EIF2AK2: variants seen among roughly 807,000 people sequenced by gnomAD.
The protein encoded by EIF2AK2 is interferon-induced, double-stranded RNA-activated protein kinase.
A neutral mutation model predicts 70.5 loss-of-function variants in EIF2AK2; 40 were observed. That is an observed-to-expected ratio of 0.57 (90% CI 0.44 to 0.74). The LOEUF is 0.74. Among genes scored for constraint, EIF2AK2 ranks in the 30% least tolerant of loss-of-function variants. The pLI is 0.00. For missense variants in EIF2AK2, 555 were observed against 644.3 expected, an observed-to-expected ratio of 0.86 and a Z score of 1.50; for synonymous variants, 198 against 220.9, an observed-to-expected ratio of 0.90 and a Z score of 0.92.
Position 37,100,401 on chromosome 2 carries a change from G to C in EIF2AK2, c.*6872C>G, listed in dbSNP as rs1016053418. ...TAAACCACCAAGTTTGTGGTAATTTGTTAGTTATAGCAGCCATAAGAAATT... is the reference window on the plus strand; with the variant it reads ...TAAACCACCAAGTTTGTGGTAATTTCTTAGTTATAGCAGCCATAAGAAATT... On this transcript the variant is annotated 3_prime_UTR_variant, in exon 17 of 17. Coordinates refer to ENST00000233057, the MANE Select transcript of EIF2AK2 (RefSeq NM_001135651.3). 1 of 152,170 alleles carries C rather than the reference G, an allele frequency of 6.6e-6. No homozygotes were observed. The highest frequency in any genetic ancestry group is 2.4e-5 in the African/African-American group (1 of 41,440). 9.4% of individuals were successfully genotyped at this position (152,170 alleles called of 1,614,324 possible). A position where few individuals can be genotyped will look rare whatever the true frequency, so the allele number is the denominator to read the frequency against.
intron 11 of EIF2AK2, 152 bp from the exon 12 acceptor site, chr2:37,122,816 A>G: frequency 1.0e-6 from 1 of 973,382 alleles, no homozygotes; most frequent in Non-Finnish European, 1.5e-6. Flanking sequence ...CAGGACATTC[A>G]AAAGGAAAAA....
At chr2:37,115,452 C>T (rs1295252943) in intron 13 of EIF2AK2, among the ~76,000 whole-genome samples, 1 of 152,000 alleles carries the variant, frequency 6.6e-6, no homozygotes. Context: ...AAGGTGGATT[C>T]ACTCTGCATG....
chr2:37,147,468 C>T (rs1210295488), intron 3 of EIF2AK2, among the ~76,000 whole-genome samples: 1 of 117,044 alleles, frequency 8.5e-6, no homozygotes, highest in African/African-American at 3.3e-5. Flanking sequence ...CCCCCTCCCC[C>T]CACCCCACAA....
At chr2:37,137,760 G>A (rs1307378201) in intron 8 of EIF2AK2, among the ~76,000 whole-genome samples, 1 of 152,120 alleles carries the variant, frequency 6.6e-6, no homozygotes, top group Non-Finnish European at 1.5e-5. Flanking sequence ...GGATGAGTGA[G>A]GAAAGACAGA....
Position 37,120,099 on chromosome 2 carries a change from C to T in EIF2AK2, c.1108G>A (p.Asp370Asn), listed in dbSNP as rs964481529. The T allele has an allele frequency of 2.7e-6, 4 of 1,484,498 alleles. No individual in the cohort carries two copies. The Admixed American group carries it at 8.0e-5, about 30-fold the overall frequency. 92.0% of individuals were successfully genotyped at this position (1,484,498 alleles called of 1,614,324 possible). The change falls in exon 13 of 17, where the codon GAT becomes AAT. Residue 370 changes from aspartate (D) to asparagine (N), a missense_variant. Asp to Asn is a conservative substitution (Grantham distance 23, BLOSUM62 1). Around this residue, in one of 3 missense-constraint regions of EIF2AK2, gnomAD observed 299 missense variants for 375.4 expected, o/e 0.80. Transcript: ENST00000233057. Reference protein sequence around the residue: ...KCLFIQMEFCDKGTLEQWIEK... With the variant: ...KCLFIQMEFCNKGTLEQWIEK... ...ATCCATTGTTCCAAGGTCCCTTTAT[C>T]ACAGAATTCCATTTGGATGAAAAGG...
At position 37,107,516 on chromosome 2, in the gene EIF2AK2, G is replaced by A. The variant is rs750224048; in HGVS notation, c.1491C>T (p.Asp497=). 6 of 1,611,076 alleles carry A rather than the reference G, an allele frequency of 3.7e-6. No homozygotes were observed. The African/African-American group carries it at 8.0e-5, about 22-fold the overall frequency. The change falls in exon 16 of 17, where the codon GAC becomes GAT. Residue 497 remains aspartate, a synonymous_variant. Coordinates refer to ENST00000233057, the MANE Select transcript of EIF2AK2 (RefSeq NM_001135651.3). ...TATCTGAGATGATGCCATCCCGTAGGTCTGTGAAAAACTGGAAAAAAAAAT... is the reference window on the plus strand; with the variant it reads ...TATCTGAGATGATGCCATCCCGTAGATCTGTGAAAAACTGGAAAAAAAAAT... ...TAFETSKFFT[D]LRDGIISDIF...
At chr2:37,153,648 CAT>C (rs1675822519) in intron 1 of EIF2AK2, among the ~76,000 whole-genome samples, 1 of 152,122 alleles carries the variant, frequency 6.6e-6, no homozygotes, top group Admixed American at 6.5e-5. Context: ...TATGTTGTAG[CAT>C]ATGTCAGAAT....
At chr2:37,124,105 C>A (rs2148681432) in intron 11 of EIF2AK2, among the ~76,000 whole-genome samples, 1 of 151,774 alleles carries the variant, frequency 6.6e-6, no homozygotes, top group Middle Eastern at 3.4e-3. Context: ...GTAGCTAGGA[C>A]CACAGGCACA....
chr2:37,101,233 G>A lies in EIF2AK2; in HGVS notation c.*6040C>T, dbSNP rs1426158388. The A allele has an allele frequency of 6.6e-6, 1 of 152,098 alleles. No homozygotes were observed. The highest frequency in any genetic ancestry group is 1.5e-5 in the Non-Finnish European group (1 of 68,032). The allele number at this position is 152,098 out of a possible 1,614,324, so 9.4% of individuals were successfully genotyped here. A position where few individuals can be genotyped will look rare whatever the true frequency, so the allele number is the denominator to read the frequency against. ...ATTTGTCAACTGTGGAGGTTGCTAG[G>A]GCACTAACTCACTCTAAAATTTGAT... On this transcript the variant is annotated 3_prime_UTR_variant, in exon 17 of 17. Coordinates refer to ENST00000233057, the MANE Select transcript of EIF2AK2 (RefSeq NM_001135651.3).
At chr2:37,155,461 G>A (rs996495294) in intron 1 of EIF2AK2, among the ~76,000 whole-genome samples, 1 of 152,076 alleles carries the variant, frequency 6.6e-6, no homozygotes, top group Non-Finnish European at 1.5e-5. Flanking sequence ...CATTCTCTCT[G>A]TACCCACCAA....
intron 10 of EIF2AK2, among the ~76,000 whole-genome samples, chr2:37,133,871 A>T (rs1048943491): frequency 6.6e-6 from 1 of 152,226 alleles, no homozygotes; most frequent in South Asian, 2.1e-4. Context: ...ACCTTCCAGG[A>T]CTTTATTCCT....
chr2:37,121,054 G>A (rs1325138584), intron 12 of EIF2AK2, among the ~76,000 whole-genome samples: 4 of 149,040 alleles, frequency 2.7e-5, no homozygotes, highest in Non-Finnish European at 6.0e-5. Context: ...ACGAGGTCAG[G>A]AGATCAAGAC....
intron 9 of EIF2AK2, among the ~76,000 whole-genome samples, 180 bp from the exon 10 acceptor site, chr2:37,135,726 T>G (rs1187940177): frequency 6.6e-6 from 1 of 152,146 alleles, no homozygotes; most frequent in African/African-American, 2.4e-5. Flanking sequence ...AATTCTGGGC[T>G]CAGAGGAGAT....
At chr2:37,147,059 GACTACC>G (rs1416050002) in intron 3 of EIF2AK2, 86 bp from the exon 4 acceptor site, 6 of 1,308,936 alleles carry the variant, frequency 4.6e-6, no homozygotes, top group Non-Finnish European at 6.2e-6. Flanking sequence ...TACCTCCTAT[GACTACC>G]TTTGAGGGTT....
chr2:37,147,108 C>T lies in EIF2AK2; in HGVS notation c.120-135G>A, dbSNP rs996632764. 4.0e-6 allele frequency: 3 copies of T among 758,880 alleles called. No individual in the cohort carries two copies. In the Admixed American group the frequency reaches 1.0e-4, roughly 26 times the overall value. The allele number at this position is 758,880 out of a possible 1,614,324, so 47.0% of individuals were successfully genotyped here. On this transcript the variant is annotated intron_variant, in intron 3 of 16. Transcript: ENST00000233057. ...ACATTCAATATAGCATTTAAGCAGT[C>T]ACCTCAAACAGTAAAGCAGCATGTC...
chr2:37,146,755 T>G, intron 4 of EIF2AK2, 98 bp downstream of exon 4: 1 of 1,440,564 alleles, frequency 6.9e-7, no homozygotes, highest in Non-Finnish European at 9.4e-7. Context: ...AGGGAACGTG[T>G]GAATGGCTTT....
chr2:37,114,779 T>A lies in EIF2AK2; in HGVS notation c.1329A>T (p.Gly443=), dbSNP rs372171549. 1.9e-6 allele frequency: 3 copies of A among 1,606,062 alleles called. No homozygotes were observed. The highest frequency in any genetic ancestry group is 2.7e-5 in the African/African-American group (2 of 74,636). ...FGLVTSLKND[G]KRTRSKGTLR... ...AAGTTCCCTTACTCCTTGTTCGCTT[T>A]CCATCATTTTTCAGAGATGTTACAA... The change falls in exon 14 of 17, where the codon GGA becomes GGT. Residue 443 remains glycine, a synonymous_variant. Transcript: ENST00000233057.
At chr2:37,120,308 G>C (rs964555713) in intron 12 of EIF2AK2, among the ~76,000 whole-genome samples, 169 bp from the exon 13 acceptor site, 12 of 150,128 alleles carry the variant, frequency 8.0e-5, no homozygotes, top group Non-Finnish European at 3.0e-5. Context: ...ACGAGGTCAG[G>C]AGATCGAGAC....
chr2:37,132,603 C>CA (rs1674982764), intron 10 of EIF2AK2, among the ~76,000 whole-genome samples: 1 of 151,646 alleles, frequency 6.6e-6, no homozygotes, highest in African/African-American at 2.4e-5. Flanking sequence ...AACAAACAAA[C>CA]AAAAAACAAC....
Sources: allele counts gnomAD v4.1 joint callset (sites outside exome capture counted in the v4.1 genomes callset), GRCh38; gene constraint gnomAD v4.1.1; regional missense constraint gnomAD v4.1.1; transcripts MANE v1.5; gene names NCBI Gene and HGNC (gene_info 2026-07-23, HGNC 2026-07-21).